The following AIG1 variants were observed in gnomAD, a reference collection of about 807,000 sequenced individuals.
The protein encoded by AIG1 is androgen-induced gene 1 protein.
Under a neutral mutation model 31.4 loss-of-function variants are expected in AIG1, and 23 were observed. The ratio of observed to expected loss-of-function variants is 0.73; its 90% confidence interval spans 0.53 to 1.04. The LOEUF is 1.04. Ranked by LOEUF, AIG1 falls within the 50% of genes least tolerant of loss-of-function variation. The pLI is 0.00. For missense variants in AIG1, 274 were observed against 295.0 expected (o/e 0.93, Z 0.52); for synonymous variants, 100 against 110.5 (o/e 0.90, Z 0.60).
chr6:143,253,601 A>G (rs1340956260), intron 3 of AIG1, among the ~76,000 whole-genome samples: 1 of 152,238 alleles, frequency 6.6e-6, no homozygotes, highest in African/African-American at 2.4e-5. Flanking sequence ...CAAAATATGT[A>G]TCATGAGCTG....
At chr6:143,317,942 G>GA (rs1392578845) in intron 4 of AIG1, among the ~76,000 whole-genome samples, 1 of 151,974 alleles carries the variant, frequency 6.6e-6, no homozygotes, top group Non-Finnish European at 1.5e-5. Flanking sequence ...ACTAATCAAG[G>GA]AGGTGAAAGA....
intron 3 of AIG1, among the ~76,000 whole-genome samples, chr6:143,244,177 G>A (rs761934989): frequency 9.2e-5 from 14 of 152,222 alleles, no homozygotes; most frequent in Admixed American, 4.6e-4. Flanking sequence ...ACAGAAGGAG[G>A]AATAACTATT....
chr6:143,161,431 A>G (rs1290207975), intron 2 of AIG1, among the ~76,000 whole-genome samples: 2 of 152,114 alleles, frequency 1.3e-5, no homozygotes, highest in Non-Finnish European at 2.9e-5. Context: ...TTATGAGAAA[A>G]GAAAATTATA....
intron 3 of AIG1, among the ~76,000 whole-genome samples, chr6:143,185,501 C>A (rs1789179639): frequency 1.3e-5 from 2 of 152,202 alleles, no homozygotes; most frequent in Admixed American, 1.3e-4. Context: ...TGCTTATCAA[C>A]TCCGAGTGTG....
rs1776674624 is a variant in AIG1, at chr6:143,327,164, G to A, written c.516-6118G>A. On this transcript the variant is annotated intron_variant, in intron 4 of 5. Transcript: ENST00000357847. This position sits in a 1 kb window ranked among gnomAD's most constrained non-coding sequence, Gnocchi z 5.3. Reference sequence around the variant, plus strand: ...TAACACAAATTAAGATGCTGGTGATGCACATGGGAAAAATCAACATATTAG... The same window carrying A: ...TAACACAAATTAAGATGCTGGTGATACACATGGGAAAAATCAACATATTAG... 2 of 156,798 alleles carry A rather than the reference G, an allele frequency of 1.3e-5. No individual in the cohort carries two copies. 9.7% of individuals were successfully genotyped at this position (156,798 alleles called of 1,614,324 possible).
chr6:143,075,934 T>C (rs2128464885), intron 1 of AIG1, among the ~76,000 whole-genome samples: 1 of 152,338 alleles, frequency 6.6e-6, no homozygotes, highest in South Asian at 2.1e-4. Context: ...TCAGAGATCA[T>C]TGTTTGCATG....
rs1396311545 is a variant in AIG1, at chr6:143,258,579, T to C, written c.400-25531T>C. 6.6e-6 allele frequency among the ~76,000 whole-genome samples: 1 copy of C among 152,154 alleles called. No homozygotes were observed. The highest frequency in any genetic ancestry group is 2.4e-5 in the African/African-American group (1 of 41,422). On this transcript the variant is annotated intron_variant, in intron 3 of 5. Coordinates refer to ENST00000357847, the MANE Select transcript of AIG1 (RefSeq NM_016108.4). The surrounding 1 kb of genome is among the most constrained non-coding windows in gnomAD (Gnocchi z 4.7). ...TAATGGAGGTATTTTATGGGCTTTATTGGCAGAGAGAGAATCAAGGAGGGG... is the reference window on the plus strand; with the variant it reads ...TAATGGAGGTATTTTATGGGCTTTACTGGCAGAGAGAGAATCAAGGAGGGG...
At chr6:143,259,818 G>A (rs548599106) in intron 3 of AIG1, among the ~76,000 whole-genome samples, 2 of 152,154 alleles carry the variant, frequency 1.3e-5, no homozygotes, top group Non-Finnish European at 2.9e-5. Flanking sequence ...AGCACTAGGA[G>A]AGCAGTAGCG....
intron 3 of AIG1, among the ~76,000 whole-genome samples, chr6:143,170,556 T>C (rs1787401316): frequency 6.6e-6 from 1 of 150,454 alleles, no homozygotes; most frequent in African/African-American, 2.4e-5. Flanking sequence ...TAATGGTATG[T>C]CAGTTTTGCT....
intron 1 of AIG1, among the ~76,000 whole-genome samples, chr6:143,065,768 A>G (rs1776644799): frequency 6.6e-6 from 1 of 152,250 alleles, no homozygotes; most frequent in Admixed American, 6.5e-5. Context: ...CATTATTCAT[A>G]TGTATATGGT....
At chr6:143,306,133 T>C (rs1216067185) in intron 4 of AIG1, among the ~76,000 whole-genome samples, 2 of 151,410 alleles carry the variant, frequency 1.3e-5, no homozygotes, top group Non-Finnish European at 2.9e-5. Context: ...GCACGTGAGA[T>C]GGGTTTCCTG....
At position 143,325,250 on chromosome 6, in the gene AIG1, A is replaced by T. The variant is rs1295781077; in HGVS notation, c.516-8032A>T. Among the ~76,000 whole-genome samples the T allele has an allele frequency of 2.0e-5, 3 of 152,092 alleles. No individual in the cohort carries two copies. Among genetic ancestry groups the T allele is most frequent in the Non-Finnish European group, 4.4e-5 (3 of 68,018 alleles). On this transcript the variant is annotated intron_variant, in intron 4 of 5. Coordinates refer to ENST00000357847, the MANE Select transcript of AIG1 (RefSeq NM_016108.4). The surrounding 1 kb of genome is among the most constrained non-coding windows in gnomAD (Gnocchi z 4.3). ...TCTTGATCTCCTTTTTAGGCTCATC[A>T]TCCTTGACCTTATCCCTTAAATCTT...
chr6:143,210,033 G>A (rs901792197), intron 3 of AIG1, among the ~76,000 whole-genome samples: 8 of 152,258 alleles, frequency 5.3e-5, no homozygotes, highest in Admixed American at 2.0e-4. Flanking sequence ...TAATCCCCAC[G>A]TGTCATGGGA....
chr6:143,335,081 C>T, intron 5 of AIG1: 1 of 1,451,596 alleles, frequency 6.9e-7, no homozygotes, highest in Non-Finnish European at 9.1e-7. Context: ...TACCTAGGAC[C>T]ATCTAGTTAG....
intron 1 of AIG1, among the ~76,000 whole-genome samples, chr6:143,082,306 G>A (rs1427783391): frequency 6.6e-6 from 1 of 152,164 alleles, no homozygotes; most frequent in Non-Finnish European, 1.5e-5. Context: ...CTACAAAGGA[G>A]CTTCCATCAG....
At chr6:143,200,505 A>G (rs1037129379) in intron 3 of AIG1, among the ~76,000 whole-genome samples, 2 of 151,978 alleles carry the variant, frequency 1.3e-5, no homozygotes, top group Non-Finnish European at 2.9e-5. Context: ...GCTTCTCCAG[A>G]GTTGTCAACC....
At chr6:143,314,068 G>A (rs961363895) in intron 4 of AIG1, among the ~76,000 whole-genome samples, 1 of 151,438 alleles carries the variant, frequency 6.6e-6, no homozygotes, top group African/African-American at 2.4e-5. Flanking sequence ...AAAATACTGG[G>A]CTGGGCACAG....
At chr6:143,134,853 A>T (rs1254828696) in intron 1 of AIG1, among the ~76,000 whole-genome samples, 1 of 152,024 alleles carries the variant, frequency 6.6e-6, no homozygotes, top group Non-Finnish European at 1.5e-5. Context: ...GTGTTAGATG[A>T]TTTCTCCCAA....
intron 3 of AIG1, among the ~76,000 whole-genome samples, chr6:143,226,343 C>A (rs1792952700): frequency 6.6e-6 from 1 of 151,646 alleles, no homozygotes; most frequent in Admixed American, 6.6e-5. Context: ...AGGGTTCAAG[C>A]AATTGTCCTG....
Sources: allele counts gnomAD v4.1 joint callset (sites outside exome capture counted in the v4.1 genomes callset), GRCh38; gene constraint gnomAD v4.1.1; non-coding constraint Gnocchi (gnomAD v3.1); transcripts MANE v1.5; gene names NCBI Gene and HGNC (gene_info 2026-07-23, HGNC 2026-07-21).